AGAP1: variants seen among roughly 807,000 people sequenced by gnomAD.
The protein encoded by AGAP1 is ArfGAP with GTPase domain, ankyrin repeat and PH domain 1.
A neutral mutation model predicts 105.3 loss-of-function variants in AGAP1; 29 were observed. The observed-to-expected ratio is 0.28, with a 90% CI of 0.21 to 0.38. The LOEUF (loss-of-function observed/expected upper bound fraction) is 0.38. Ranked by LOEUF, AGAP1 falls within the 10% of genes least tolerant of loss-of-function variation. AGAP1 has a pLI of 1.00. For missense variants in AGAP1, 998 were observed against 1,165.1 expected (o/e 0.86, Z 2.09); for synonymous variants, 509 against 485.9 (o/e 1.05, Z -0.63).
chr2:235,793,671 G>A lies in AGAP1; in HGVS notation c.674-4088G>A, dbSNP rs559845065. ...GAGCAGCAAAAAGGAGGAAGGGGGA[G>A]GAGGAGGAGCTGTCCTCTGGTTATA... On this transcript the variant is annotated intron_variant, in intron 6 of 17. Transcript: ENST00000304032. The surrounding 1 kb of genome is among the most constrained non-coding windows in gnomAD (Gnocchi z 5.3). Among the ~76,000 whole-genome samples, 85 of 152,300 alleles carry A rather than the reference G, an allele frequency of 5.6e-4. No individual in the cohort carries two copies. The highest frequency in any genetic ancestry group is 2.0e-3 in the African/African-American group (84 of 41,578).
chr2:235,511,170 G>A (rs1057361574), intron 1 of AGAP1, among the ~76,000 whole-genome samples: 4 of 152,118 alleles, frequency 2.6e-5, no homozygotes, highest in African/African-American at 9.7e-5. Context: ...GGGCAGCCCT[G>A]AGTCTTCGTC....
At chr2:235,666,778 T>A (rs1948141516) in intron 1 of AGAP1, among the ~76,000 whole-genome samples, 1 of 151,928 alleles carries the variant, frequency 6.6e-6, no homozygotes. Flanking sequence ...CCTTATTTTT[T>A]ACTTTGGGCT....
Position 236,012,764 on chromosome 2 carries a change from AATTATTATT to A in AGAP1, c.1646-23778_1646-23770del, listed in dbSNP as rs35595393. ...CTAGTTTAGAGGTTGTTTCTTACTA[AATTATTATT>A]ATTATTATTATTATTATTCTCTTGA... On this transcript the variant is annotated intron_variant, in intron 13 of 17. Coordinates refer to ENST00000304032, the MANE Select transcript of AGAP1 (RefSeq NM_001037131.3). The surrounding 1 kb of genome is among the most constrained non-coding windows in gnomAD (Gnocchi z 4.9). Among the ~76,000 whole-genome samples, 4 of 148,770 alleles carry A rather than the reference AATTATTATT, an allele frequency of 2.7e-5. No individual in the cohort carries two copies. Among genetic ancestry groups the A allele is most frequent in the African/African-American group, 5.0e-5 (2 of 40,398 alleles).
intron 9 of AGAP1, among the ~76,000 whole-genome samples, chr2:235,848,461 C>T (rs896389551): frequency 6.6e-6 from 1 of 152,164 alleles, no homozygotes; most frequent in African/African-American, 2.4e-5. Flanking sequence ...TCAGAACATG[C>T]TTAAGAAAAA....
intron 1 of AGAP1, among the ~76,000 whole-genome samples, chr2:235,646,604 G>T (rs753939679): frequency 3.3e-5 from 5 of 152,174 alleles, no homozygotes; most frequent in Non-Finnish European, 5.9e-5. Context: ...TCCTGTGTTG[G>T]TGTGTCGCTT....
rs192175108 is a variant in AGAP1 at position 235,977,123 on chromosome 2, G to A, written c.1645+8500G>A. ...GCTCGGTTAGCACAAGCTGCTCACA[G>A]GCTCCGGCGTCCATCAGCAGAGAAC... On this transcript the variant is annotated intron_variant, in intron 13 of 17. Coordinates refer to ENST00000304032, the MANE Select transcript of AGAP1 (RefSeq NM_001037131.3). The surrounding 1 kb of genome is among the most constrained non-coding windows in gnomAD (Gnocchi z 5.2). Among the ~76,000 whole-genome samples, 3 of 152,288 alleles carry A rather than the reference G, an allele frequency of 2.0e-5. 1 individual carries two copies. The highest frequency in any genetic ancestry group is 2.0e-4 in the Admixed American group (3 of 15,294).
chr2:235,839,311 G>A (rs574952246), intron 9 of AGAP1, among the ~76,000 whole-genome samples: 12 of 152,324 alleles, frequency 7.9e-5, no homozygotes, highest in African/African-American at 2.6e-4. Context: ...GGGTGTGGGC[G>A]TGCAGGCACA....
In AGAP1 at chr2:235,664,853, C is replaced by T. The variant is rs1948076982; in HGVS notation, c.164-44326C>T. ...TACGTGTGAGTGATGCCACCTCAACCCTTAGCCAGGTGCAGGCGTAACAAG... is the reference window on the plus strand; with the variant it reads ...TACGTGTGAGTGATGCCACCTCAACTCTTAGCCAGGTGCAGGCGTAACAAG... On this transcript the variant is annotated intron_variant, in intron 1 of 17. Coordinates refer to ENST00000304032, the MANE Select transcript of AGAP1 (RefSeq NM_001037131.3). This position sits in a 1 kb window ranked among gnomAD's most constrained non-coding sequence, Gnocchi z 5.7. 6.6e-6 allele frequency among the ~76,000 whole-genome samples: 1 copy of T among 152,122 alleles called. No individual in the cohort carries two copies. Among genetic ancestry groups the T allele is most frequent in the South Asian group, 2.1e-4 (1 of 4,822 alleles).
chr2:235,871,269 C>A (rs754843644), intron 9 of AGAP1, among the ~76,000 whole-genome samples: 1 of 152,140 alleles, frequency 6.6e-6, no homozygotes, highest in African/African-American at 2.4e-5. Flanking sequence ...AATATTTTTT[C>A]TAATTGTGCT....
chr2:236,004,720 C>T (rs1301429116), intron 13 of AGAP1, among the ~76,000 whole-genome samples: 1 of 152,212 alleles, frequency 6.6e-6, no homozygotes, highest in Non-Finnish European at 1.5e-5. Flanking sequence ...TCAGTCACAA[C>T]TGAATGCCAG....
chr2:235,798,029 T>C, intron 7 of AGAP1, 143 bp downstream of exon 7: 9 of 1,072,874 alleles, frequency 8.4e-6, no homozygotes, highest in Non-Finnish European at 1.2e-5. Context: ...CACATTTTCT[T>C]CAGAAACTGC....
At chr2:235,686,955 G>A (rs1031984989) in intron 1 of AGAP1, among the ~76,000 whole-genome samples, 3 of 151,836 alleles carry the variant, frequency 2.0e-5, no homozygotes, top group African/African-American at 7.3e-5. Context: ...GAGCCACTGG[G>A]CTTGGCTTAG....
rs180818701 is a variant in AGAP1 at position 235,791,846 on chromosome 2, C to T, written c.674-5913C>T. 2.3e-3 allele frequency among the ~76,000 whole-genome samples: 356 copies of T among 152,282 alleles called. 2 individuals are homozygous for T. Among genetic ancestry groups the T allele is most frequent in the African/African-American group, 8.1e-3 (335 of 41,550 alleles). ...ACAGGTGTGAGCCAGCTCACCCAGC[C>T]GGGAAGAGCCTTTCAATGAAATGTG... On this transcript the variant is annotated intron_variant, in intron 6 of 17. Coordinates refer to ENST00000304032, the MANE Select transcript of AGAP1 (RefSeq NM_001037131.3).
chr2:235,999,905 C>A (rs185471850), intron 13 of AGAP1, among the ~76,000 whole-genome samples: 1 of 152,030 alleles, frequency 6.6e-6, no homozygotes, highest in Non-Finnish European at 1.5e-5. Flanking sequence ...GTGGGTGCTC[C>A]TGATGTGTGC....
At chr2:235,947,960 C>G (rs1156863207) in intron 12 of AGAP1, among the ~76,000 whole-genome samples, 1 of 152,160 alleles carries the variant, frequency 6.6e-6, no homozygotes, top group African/African-American at 2.4e-5. Flanking sequence ...GAGGATCCAG[C>G]GTGCAATGTA....
intron 12 of AGAP1, among the ~76,000 whole-genome samples, chr2:235,954,170 C>T (rs1483291195): frequency 6.7e-6 from 1 of 150,338 alleles, no homozygotes; most frequent in Non-Finnish European, 1.5e-5. Context: ...ACCCGGGAGG[C>T]AGAAGTTGCG....
chr2:235,585,855 C>T (rs1945092154), intron 1 of AGAP1, among the ~76,000 whole-genome samples: 1 of 152,116 alleles, frequency 6.6e-6, no homozygotes. Flanking sequence ...TGAAGGCTGT[C>T]TCGTCCTTTC....
At position 236,064,357 on chromosome 2, in the gene AGAP1, G is replaced by A. The variant is rs575876126; in HGVS notation, c.2114+15076G>A. Among the ~76,000 whole-genome samples, 10 of 152,236 alleles carry A rather than the reference G, an allele frequency of 6.6e-5. No homozygotes were observed. In the South Asian group the frequency reaches 1.7e-3, roughly 25 times the overall value. The stretch of plus-strand genomic sequence containing the variant: ...GTAATCCCAGCACTTTGGGGAGGCC[G>A]AGGTGGGTGGATCACTTGAGGTTGG... On this transcript the variant is annotated intron_variant, in intron 16 of 17. Transcript: ENST00000304032.
chr2:235,504,564 A>C (rs988223111), intron 1 of AGAP1, among the ~76,000 whole-genome samples: 2 of 147,044 alleles, frequency 1.4e-5, no homozygotes, highest in Non-Finnish European at 3.0e-5. Context: ...GGCTGTCATG[A>C]ATAGCACCAC....
Sources: allele counts gnomAD v4.1 joint callset (sites outside exome capture counted in the v4.1 genomes callset), GRCh38; gene constraint gnomAD v4.1.1; non-coding constraint Gnocchi (gnomAD v3.1); transcripts MANE v1.5; gene names NCBI Gene and HGNC (gene_info 2026-07-23, HGNC 2026-07-21).